The following ESPN variants were observed in gnomAD, a reference collection of about 807,000 sequenced individuals.
The protein encoded by ESPN is autosomal recessive deafness type 36 protein.
ESPN carries 68 observed loss-of-function variants against 77.7 expected under a neutral mutation model. The ratio of observed to expected loss-of-function variants is 0.87; its 90% CI spans 0.72 to 1.07. ESPN has a LOEUF of 1.07. ESPN is among the 50% of genes least tolerant of loss of function. The probability of loss-of-function intolerance (pLI) is 0.00; values close to 1 mark genes in which losing one functional copy is unlikely to be tolerated. For missense variants in ESPN, 1,060 were observed against 1,239.0 expected, an observed-to-expected ratio of 0.86 and a Z score of 2.17; for synonymous variants, 449 against 567.1, an observed-to-expected ratio of 0.79 and a Z score of 2.96.
chr1:6,450,400 C>A lies in ESPN; in HGVS notation c.1916-1203C>A, dbSNP rs112667401. The A allele has an allele frequency of 2.6e-5, 24 of 918,464 alleles. No homozygotes were observed. Among genetic ancestry groups the A allele is most frequent in the Non-Finnish European group, 3.1e-5 (24 of 768,392 alleles). The allele number at this position is 918,464 out of a possible 1,614,324, so 56.9% of individuals were successfully genotyped here. On this transcript the variant is annotated intron_variant, in intron 8 of 12. Transcript: ENST00000645284. This position sits in a 1 kb window ranked among gnomAD's most constrained non-coding sequence, Gnocchi z 4.3. ...CTGTCCCAGTCTCATCCTGCCCCCC[C>A]TCCCTCCTAACTCCGCTGTCACTTC...
chr1:6,452,008 A>G lies in ESPN; in HGVS notation c.2237A>G (p.Gln746Arg). ...GCTCTCATCCCCACGCACGATGAGC[A>G]GGGCCGGCCCATCCCCGAGTGGAAG... ...VEALIPTHDE[Q>R]GRPIPEWKRQ... The change falls in exon 10 of 13, where the codon CAG becomes CGG. Residue 746 changes from glutamine (Q) to arginine (R), a missense_variant. Physicochemically the swap from Gln to Arg is conservative, Grantham distance 43 (BLOSUM62 1). Coordinates refer to ENST00000645284, the MANE Select transcript of ESPN (RefSeq NM_031475.3). 6.2e-7 allele frequency: 1 copy of G among 1,602,888 alleles called. No individual in the cohort carries two copies. The highest frequency in any genetic ancestry group is 8.5e-7 in the Non-Finnish European group (1 of 1,174,358).
chr1:6,439,462 C>G (rs1035110447), intron 2 of ESPN, among the ~76,000 whole-genome samples: 2 of 152,176 alleles, frequency 1.3e-5, no homozygotes, highest in Admixed American at 1.3e-4. Context: ...TTATGGTCAA[C>G]CAAGCATGAC....
chr1:6,444,426 G>C, intron 5 of ESPN, 55 bp from the exon 6 acceptor site: 2 of 1,579,304 alleles, frequency 1.3e-6, no homozygotes, highest in South Asian at 2.2e-5. Flanking sequence ...CTGGCCTGGA[G>C]AGCAACGCAT....
rs556302466 is a variant in ESPN, at chr1:6,430,703, G to A, written c.488+2284G>A. Among the ~76,000 whole-genome samples the A allele has an allele frequency of 3.9e-5, 6 of 152,220 alleles. No homozygotes were observed. In the South Asian group the frequency reaches 6.2e-4, roughly 16 times the overall value. ...GGAGAATCGCTTGAACCCGGCAGAC[G>A]GAGGTTGCGGTGAGCCAAGATTGAG... is the stretch of plus-strand genomic sequence containing the variant. On this transcript the variant is annotated intron_variant, in intron 2 of 12. Transcript: ENST00000645284.
intron 7 of ESPN, among the ~76,000 whole-genome samples, chr1:6,446,286 TGCCCCCCC>T (rs1268480218): frequency 2.0e-5 from 3 of 151,748 alleles, no homozygotes; most frequent in Non-Finnish European, 4.4e-5. Context: ...TCCCCAAGCA[TGCCCCCCC>T]ACCCCCACAG....
chr1:6,444,406 G>A (rs1471818801), intron 5 of ESPN, 75 bp from the exon 6 acceptor site: 1 of 1,473,820 alleles, frequency 6.8e-7, no homozygotes, highest in South Asian at 1.2e-5. Flanking sequence ...AGGCATGACT[G>A]AGTAGGACCC....
At position 6,437,694 on chromosome 1, in the gene ESPN, A is replaced by C. The variant is rs768509818; in HGVS notation, c.489-2560A>C. 7.2e-5 allele frequency: 11 copies of C among 152,292 alleles called. No homozygotes were observed. The highest frequency in any genetic ancestry group is 1.5e-4 in the Non-Finnish European group (10 of 68,140). The allele number at this position is 152,292 out of a possible 1,614,324, so 9.4% of individuals were successfully genotyped here. On this transcript the variant is annotated intron_variant, in intron 2 of 12. Transcript: ENST00000645284. This position sits in a 1 kb window ranked among gnomAD's most constrained non-coding sequence, Gnocchi z 4.5. ...ATCGTGAAGTGCCGGGCTCAGCATC[A>C]GCCCCAGCAAATGGCAGCCCTGTGT...
Position 6,460,078 on chromosome 1 carries a change from G to C in ESPN, c.2497G>C (p.Asp833His). The part of the protein sequence containing the change: ...QSEKLRTLGY[D>H]ESKLAPWQRQ... ...AGAGAAGCTGCGGACGCTGGGCTAC[G>C]ATGAGAGCAAGCTGGCGCCCTGGCA... The change falls in exon 13 of 13, where the codon GAT becomes CAT. Residue 833 changes from aspartate (D) to histidine (H), a missense_variant. Coordinates refer to ENST00000645284, the MANE Select transcript of ESPN (RefSeq NM_031475.3). The C allele has an allele frequency of 6.2e-7, 1 of 1,613,500 alleles. No individual in the cohort carries two copies. The highest frequency in any genetic ancestry group is 8.5e-7 in the Non-Finnish European group (1 of 1,180,026).
intron 7 of ESPN, 56 bp from the exon 8 acceptor site, chr1:6,448,585 T>TG: frequency 3.4e-6 from 5 of 1,471,224 alleles, no homozygotes; most frequent in South Asian, 1.2e-5. Context: ...TGGGGAGGCG[T>TG]GGGGGGCGCC....
At position 6,440,607 on chromosome 1, in the gene ESPN, C is replaced by CCCCCCCCCT; in HGVS notation, c.676-16_676-15insCCCCCTCCC. The CCCCCCCCCT allele has an allele frequency of 2.5e-6, 2 of 787,758 alleles. No homozygotes were observed. The highest frequency in any genetic ancestry group is 1.8e-5 in the African/African-American group (1 of 54,312). The allele number at this position is 787,758 out of a possible 1,614,324, so 48.8% of individuals were successfully genotyped here. A position where few individuals can be genotyped will look rare whatever the true frequency, so the allele number is the denominator to read the frequency against. ...TGGCGCCCAGCCCCCGCCCCCCTCT[C>CCCCCCCCCT]CCCGCCCGTCCCGCCCAGGTGAGCT... On this transcript the variant is annotated intron_variant, in intron 3 of 12. Transcript: ENST00000645284.
chr1:6,451,372 T>G lies in ESPN; in HGVS notation c.1916-231T>G, dbSNP rs1416489881. The G allele has an allele frequency of 6.7e-6, 4 of 597,426 alleles. No individual in the cohort carries two copies. Among genetic ancestry groups the G allele is most frequent in the Non-Finnish European group, 1.2e-5 (4 of 338,404 alleles). The allele number at this position is 597,426 out of a possible 1,614,324, so 37.0% of individuals were successfully genotyped here. ...CTCCAGGCAGGGGCCCTCCATCCCG[T>G]GAGTAGGGTGGGGAAGATGGTGGGG... On this transcript the variant is annotated intron_variant, in intron 8 of 12. Transcript: ENST00000645284. This position sits in a 1 kb window ranked among gnomAD's most constrained non-coding sequence, Gnocchi z 4.3.
At chr1:6,456,734 G>A (rs2148547861) in intron 10 of ESPN, 2 of 270,906 alleles carry the variant, frequency 7.4e-6, no homozygotes, top group South Asian at 5.2e-5. Context: ...TGTAGTGCCC[G>A]TATCCACTCT....
intron 10 of ESPN, chr1:6,454,834 C>G: frequency 2.5e-6 from 1 of 395,484 alleles, no homozygotes; most frequent in Non-Finnish European, 4.5e-6. Context: ...ACGGGCCAGC[C>G]GCTGGCGCCG....
chr1:6,425,663 C>A (rs1013826586), intron 1 of ESPN, among the ~76,000 whole-genome samples: 2 of 152,228 alleles, frequency 1.3e-5, no homozygotes, highest in African/African-American at 4.8e-5. Context: ...ACAGCCCACC[C>A]GAGGCTGAGA....
rs1223924563 is a variant in ESPN at position 6,460,190 on chromosome 1, C to T, written c.*44C>T. On this transcript the variant is annotated 3_prime_UTR_variant, in exon 13 of 13. Coordinates refer to ENST00000645284, the MANE Select transcript of ESPN (RefSeq NM_031475.3). ...CGCAGCCTCGCAGCTCCGTGGGGCC[C>T]TCCGCCCCAGCCCCAGCCAGCCAGG... 3 of 1,594,712 alleles carry T rather than the reference C, an allele frequency of 1.9e-6. No homozygotes were observed. The highest frequency in any genetic ancestry group is 2.2e-5 in the East Asian group (1 of 44,476).
intron 7 of ESPN, chr1:6,448,391 G>C: frequency 2.1e-6 from 1 of 467,718 alleles, no homozygotes; most frequent in South Asian, 3.0e-5. Context: ...CTCAGTGGGG[G>C]CCCCTGTGCC....
At chr1:6,459,868 C>T (rs1270833665) in intron 12 of ESPN, 131 bp from the exon 13 acceptor site, 2 of 1,113,958 alleles carry the variant, frequency 1.8e-6, no homozygotes, top group Non-Finnish European at 2.7e-6. Flanking sequence ...GCAACCGAGC[C>T]CCAGCCCTCA....
In ESPN at chr1:6,429,292, C is replaced by T. The variant is rs1247117159; in HGVS notation, c.488+873C>T. 3.3e-5 allele frequency among the ~76,000 whole-genome samples: 5 copies of T among 151,992 alleles called. No individual in the cohort carries two copies. In the East Asian group the frequency reaches 9.7e-4, roughly 29 times the overall value. On this transcript the variant is annotated intron_variant, in intron 2 of 12. Coordinates refer to ENST00000645284, the MANE Select transcript of ESPN (RefSeq NM_031475.3). ...CTGAGATGTAAATGTGAATGTGGAC[C>T]CAGCCTCAGGACGAGAGCAGCTTTG...
chr1:6,425,185 C>A lies in ESPN; in HGVS notation c.230C>A (p.Ala77Asp). 1 of 1,538,854 alleles carries A rather than the reference C, an allele frequency of 6.5e-7. No individual in the cohort carries two copies. ...ARNGATPAHD[A>D]SATGHLACLQ... ...AACGGCGCCACACCGGCCCACGACG[C>A]CTCCGCCACCGGCCACCTCGCCTGC... is the stretch of plus-strand genomic sequence containing the variant. The change falls in exon 1 of 13, where the codon GCC (alanine) becomes GAC (aspartate). Residue 77 changes from alanine (A) to aspartate (D), a missense_variant. Transcript: ENST00000645284.
Sources: gnomAD v4.1 joint callset for allele counts (sites outside exome capture counted in the v4.1 genomes callset) on GRCh38, gnomAD v4.1.1 for gene constraint, Gnocchi (gnomAD v3.1) non-coding constraint, MANE v1.5 for transcripts, NCBI Gene and HGNC (gene_info 2026-07-23, HGNC 2026-07-21) for gene names.